The following CDH12 variants were observed in gnomAD, a reference collection of about 807,000 sequenced individuals.
The protein encoded by CDH12 is cadherin 12.
A neutral mutation model predicts 74.1 loss-of-function variants in CDH12; 41 were observed. The observed-to-expected ratio is 0.55, with a 90% CI of 0.43 to 0.72. The LOEUF (loss-of-function observed/expected upper bound fraction) is 0.72. Among genes scored for constraint, CDH12 ranks in the 30% least tolerant of loss-of-function variants. CDH12 has a pLI of 0.00. For missense variants in CDH12, 945 were observed against 977.2 expected (o/e 0.97, Z 0.44); for synonymous variants, 399 against 355.0 (o/e 1.12, Z -1.39).
rs767302522 is a variant in CDH12, at chr5:22,811,216, AG to A, written c.-523+41841del. On this transcript the variant is annotated intron_variant, in intron 1 of 14. Coordinates refer to ENST00000382254, the MANE Select transcript of CDH12 (RefSeq NM_004061.5). The stretch of plus-strand genomic sequence containing the variant: ...TCATGAAGTACGAAAACTGGGAGAG[AG>A]GAGAGATCATCTGGATATAGAGAAG... Among the ~76,000 whole-genome samples the A allele has an allele frequency of 7.2e-5, 11 of 152,106 alleles. No homozygotes were observed. In the East Asian group the frequency reaches 9.7e-4, roughly 13 times the overall value.
At chr5:22,149,720 C>T (rs1747439920) in intron 4 of CDH12, among the ~76,000 whole-genome samples, 1 of 152,052 alleles carries the variant, frequency 6.6e-6, no homozygotes, top group Non-Finnish European at 1.5e-5. Context: ...ATTTCACTTG[C>T]CTTGGCCTCC....
intron 3 of CDH12, among the ~76,000 whole-genome samples, chr5:22,396,849 G>A (rs761767705): frequency 7.9e-5 from 12 of 152,040 alleles, no homozygotes; most frequent in Non-Finnish European, 1.2e-4. Context: ...TTGGGGCATG[G>A]TTTCTCTCCT....
intron 1 of CDH12, among the ~76,000 whole-genome samples, chr5:22,829,505 A>T (rs910926358): frequency 1.3e-5 from 2 of 152,128 alleles, no homozygotes; most frequent in Non-Finnish European, 2.9e-5. Context: ...ACACAATCGC[A>T]GTCTTGTCTT....
At chr5:22,041,951 A>G (rs905366092) in intron 5 of CDH12, among the ~76,000 whole-genome samples, 3 of 152,242 alleles carry the variant, frequency 2.0e-5, no homozygotes, top group African/African-American at 4.8e-5. Context: ...AATCATGTCA[A>G]GTATTATTTC....
At chr5:21,838,136 GTTA>G (rs1323601378) in intron 8 of CDH12, among the ~76,000 whole-genome samples, 1 of 152,158 alleles carries the variant, frequency 6.6e-6, no homozygotes, top group African/African-American at 2.4e-5. Flanking sequence ...TCTTCAGCAA[GTTA>G]TTATTCTTTA....
intron 5 of CDH12, among the ~76,000 whole-genome samples, chr5:22,012,525 T>C (rs1176752682): frequency 6.6e-6 from 1 of 152,158 alleles, no homozygotes; most frequent in Non-Finnish European, 1.5e-5. Flanking sequence ...GAGTTACAGG[T>C]GAAAAGCTTT....
intron 4 of CDH12, among the ~76,000 whole-genome samples, chr5:22,086,992 T>A (rs1417140386): frequency 6.6e-6 from 1 of 152,114 alleles, no homozygotes; most frequent in African/African-American, 2.4e-5. Flanking sequence ...TTGAGAGATG[T>A]CCTATAAAAT....
intron 11 of CDH12, chr5:21,774,498 T>A (rs1745484573): frequency 6.6e-6 from 1 of 152,188 alleles, no homozygotes; most frequent in Admixed American, 6.5e-5. Context: ...TGGGACCTCA[T>A]CTTGTGATCA....
intron 3 of CDH12, among the ~76,000 whole-genome samples, chr5:22,307,378 T>C: frequency 6.6e-6 from 1 of 152,184 alleles, no homozygotes; most frequent in South Asian, 2.1e-4. Context: ...AAGTTGTGAT[T>C]GTGTGGTGAT....
Position 22,229,580 on chromosome 5 carries a change from T to C in CDH12, c.-332-16937A>G, listed in dbSNP as rs528429887. Among the ~76,000 whole-genome samples, 15 of 152,246 alleles carry C rather than the reference T, an allele frequency of 9.9e-5. No individual in the cohort carries two copies. In the East Asian group the frequency reaches 2.9e-3, roughly 29 times the overall value. On this transcript the variant is annotated intron_variant, in intron 3 of 14. Transcript: ENST00000382254. ...CATTCGGTTATTTGGTAAAAGATTA[T>C]GTATTGTAATGATGTTTATGACATC...
At chr5:22,067,229 T>C (rs1302114840) in intron 5 of CDH12, among the ~76,000 whole-genome samples, 3 of 152,208 alleles carry the variant, frequency 2.0e-5, no homozygotes, top group Non-Finnish European at 4.4e-5. Context: ...ATGTACTTGG[T>C]AAAACATTTA....
chr5:21,766,123 T>C (rs1579660831), intron 11 of CDH12, among the ~76,000 whole-genome samples: 1 of 152,048 alleles, frequency 6.6e-6, no homozygotes, highest in Non-Finnish European at 1.5e-5. Context: ...CTATCTAGAA[T>C]ACTTCAAAGA....
At chr5:22,713,717 A>ATGTG (rs1375083101) in intron 1 of CDH12, among the ~76,000 whole-genome samples, 4 of 151,880 alleles carry the variant, frequency 2.6e-5, no homozygotes, top group Non-Finnish European at 5.9e-5. Flanking sequence ...GGGTGTGTGT[A>ATGTG]TGTGTGTGTG....
intron 1 of CDH12, among the ~76,000 whole-genome samples, chr5:22,760,684 AAAAAAAAAAAAAAAAAC>A (rs1409608755): frequency 2.0e-5 from 3 of 150,526 alleles, no homozygotes; most frequent in African/African-American, 4.9e-5. Flanking sequence ...GTCTCAAAAA[AAAAAAAAAAAAAAAAAC>A]AAAAAAAAAA....
At chr5:22,190,694 T>A (rs1255300415) in intron 4 of CDH12, among the ~76,000 whole-genome samples, 1 of 151,842 alleles carries the variant, frequency 6.6e-6, no homozygotes, top group Non-Finnish European at 1.5e-5. Context: ...CTGGTAGGAG[T>A]GTGGTGCGAA....
At chr5:21,863,849 C>T (rs1751182797) in intron 6 of CDH12, among the ~76,000 whole-genome samples, 1 of 152,230 alleles carries the variant, frequency 6.6e-6, no homozygotes, top group Non-Finnish European at 1.5e-5. Context: ...TTTCTCAGAA[C>T]TGATGCATGT....
At chr5:22,390,604 A>AGAT (rs1233871291) in intron 3 of CDH12, among the ~76,000 whole-genome samples, 4 of 151,988 alleles carry the variant, frequency 2.6e-5, no homozygotes, top group African/African-American at 9.7e-5. Context: ...ATAGATAGAT[A>AGAT]GATAGATAGA....
intron 6 of CDH12, among the ~76,000 whole-genome samples, chr5:21,963,093 C>CGATAGATAGATAGATAGATA (rs199706779): frequency 6.6e-6 from 1 of 150,854 alleles, no homozygotes; most frequent in Non-Finnish European, 1.5e-5. Context: ...TTACAAATAT[C>CGATAGATAGATAGATAGATA]GATAGATAGA....
chr5:22,681,010 A>G (rs940941123), intron 1 of CDH12, among the ~76,000 whole-genome samples: 1 of 152,194 alleles, frequency 6.6e-6, no homozygotes, highest in South Asian at 2.1e-4. Flanking sequence ...ATTTCATTAC[A>G]CAAGTGCAAA....
Sources: allele counts gnomAD v4.1 joint callset (sites outside exome capture counted in the v4.1 genomes callset), GRCh38; gene constraint gnomAD v4.1.1; transcripts MANE v1.5; gene names NCBI Gene and HGNC (gene_info 2026-07-23, HGNC 2026-07-21).